Variants in CDH23 observed in about 807,000 individuals in gnomAD.
CDH23 encodes cadherin related 23, also known as cadherin-23.
Under a neutral mutation model 317.1 loss-of-function variants are expected in CDH23, and 189 were observed. The observed-to-expected ratio is 0.60, with a 90% confidence interval of 0.53 to 0.67. CDH23 has a LOEUF of 0.67. Ranked by LOEUF, CDH23 falls within the 30% of genes least tolerant of loss-of-function variation. CDH23 has a pLI of 0.00. For synonymous variants in CDH23, 1,839 were observed against 1,876.8 expected, an observed-to-expected ratio of 0.98 and a Z score of 0.52; for missense variants, 4,401 against 4,592.4, an observed-to-expected ratio of 0.96 and a Z score of 1.20.
intron 38 of CDH23, chr10:71,761,696 A>C: frequency 2.5e-6 from 4 of 1,614,006 alleles, no homozygotes; most frequent in Non-Finnish European, 3.4e-6. Context: ...GCTATCCAGC[A>C]GGGTCAGGTT....
At chr10:71,716,715 C>T (rs564145341) in intron 28 of CDH23, 1 of 192,758 alleles carries the variant, frequency 5.2e-6, no homozygotes. Flanking sequence ...TGGCCAGGAA[C>T]GAGTTATGGA....
chr10:71,622,677 A>G (rs1861524709), intron 11 of CDH23, among the ~76,000 whole-genome samples: 1 of 152,168 alleles, frequency 6.6e-6, no homozygotes, highest in African/African-American at 2.4e-5. Context: ...CGCTGTCAGG[A>G]GAAATACCAT....
intron 38 of CDH23, among the ~76,000 whole-genome samples, chr10:71,754,338 G>A (rs549421069): frequency 2.0e-4 from 30 of 152,302 alleles, no homozygotes; most frequent in Admixed American, 3.3e-4. Context: ...GGGGGCCCCC[G>A]GGAATGAGGG....
intron 41 of CDH23, among the ~76,000 whole-genome samples, 186 bp from the exon 42 acceptor site, chr10:71,784,101 C>G (rs1315446741): frequency 1.3e-5 from 2 of 152,184 alleles, no homozygotes; most frequent in East Asian, 3.9e-4. Context: ...CGCTACCACC[C>G]ACCTGCACAT....
At chr10:71,658,084 G>A (rs1036053058) in intron 14 of CDH23, among the ~76,000 whole-genome samples, 2 of 152,350 alleles carry the variant, frequency 1.3e-5, no homozygotes, top group East Asian at 1.9e-4. Context: ...CCTCAGAGGG[G>A]CTGGGGTGGG....
chr10:71,716,314 G>T, intron 28 of CDH23: 1 of 1,501,686 alleles, frequency 6.7e-7, no homozygotes, highest in Non-Finnish European at 8.9e-7. Flanking sequence ...GGGAGCTGGC[G>T]AGGCTGGGGC....
intron 3 of CDH23, among the ~76,000 whole-genome samples, chr10:71,457,212 C>A (rs888213562): frequency 1.3e-5 from 2 of 152,156 alleles, no homozygotes; most frequent in Admixed American, 6.5e-5. Flanking sequence ...GTGAGGCAAG[C>A]AATTTGTGTT....
At chr10:71,496,128 T>C (rs116337287) in intron 3 of CDH23, among the ~76,000 whole-genome samples, 2,594 of 152,316 alleles carry the variant, frequency 0.017, 59 homozygotes, top group African/African-American at 0.054. Context: ...TATATCAGAA[T>C]ACTGCTGTCT....
At position 71,577,668 on chromosome 10, in the gene CDH23, A is replaced by G. The variant is rs149306835; in HGVS notation, c.754-246A>G. Among the ~76,000 whole-genome samples the G allele has an allele frequency of 2.7e-3, 418 of 152,238 alleles. 3 individuals are homozygous for G. Among genetic ancestry groups the G allele is most frequent in the Admixed American group, 5.5e-3 (84 of 15,296 alleles). On this transcript the variant is annotated intron_variant, in intron 8 of 69. Transcript: ENST00000224721. The stretch of plus-strand genomic sequence containing the variant: ...GTGGTGGTCCATTTGAATAAGGGAT[A>G]TGGGAAGGGGAAAGGGGAATGATAA...
chr10:71,618,731 C>A (rs1367930735), intron 11 of CDH23, among the ~76,000 whole-genome samples: 1 of 152,132 alleles, frequency 6.6e-6, no homozygotes, highest in Non-Finnish European at 1.5e-5. Context: ...ACGTCTCTTG[C>A]CCCCCTCTGG....
intron 1 of CDH23, among the ~76,000 whole-genome samples, chr10:71,403,346 T>C (rs191636476): frequency 0.14 from 10,651 of 77,940 alleles, 2,033 homozygotes; most frequent in African/African-American, 0.44. Context: ...TTTCTTTCTT[T>C]CTTTCTTTCT....
intron 6 of CDH23, among the ~76,000 whole-genome samples, chr10:71,532,711 G>GTTTTTTTTTGTTTTTTTTTTTTT (rs1855452212): frequency 7.8e-6 from 1 of 128,100 alleles, no homozygotes; most frequent in Non-Finnish European, 1.8e-5. Flanking sequence ...TTTTGTTTTT[G>GTTTTTTTTTGTTTTTTTTTTTTT]TTTTTTTTTT....
At position 71,738,502 on chromosome 10, in the gene CDH23, A is replaced by G. The variant is rs936345238; in HGVS notation, c.4214A>G (p.Tyr1405Cys). ...TCTGACCACGTTCACCCTCAGGTCT[A>G]CATCACTGTGCTGGACGAGAATGAC... ...GPKVDSTVKVYITVLDENDNS... is the reference protein window; with the variant it reads ...GPKVDSTVKVCITVLDENDNS... The change falls in exon 35 of 70, where the codon TAC (tyrosine) becomes TGC (cysteine). Residue 1405 changes from tyrosine (Y) to cysteine (C), a missense_variant. Physicochemically the swap from Tyr to Cys is radical, Grantham distance 194 (BLOSUM62 -2). Coordinates refer to ENST00000224721, the MANE Select transcript of CDH23 (RefSeq NM_022124.6). 10 of 1,613,832 alleles carry G rather than the reference A, an allele frequency of 6.2e-6. No homozygotes were observed. The highest frequency in any genetic ancestry group is 6.8e-6 in the Non-Finnish European group (8 of 1,179,900).
At chr10:71,501,056 CG>C (rs1477026611) in intron 3 of CDH23, among the ~76,000 whole-genome samples, 8 of 151,854 alleles carry the variant, frequency 5.3e-5, no homozygotes, top group Middle Eastern at 3.4e-3. Context: ...TTAGTAGAGA[CG>C]GGGTTTAACC....
intron 14 of CDH23, chr10:71,647,695 G>A (rs2132601159): frequency 6.6e-6 from 1 of 152,356 alleles, no homozygotes; most frequent in South Asian, 2.1e-4. Flanking sequence ...AACCAATTGT[G>A]ATTCTGGTAT....
intron 1 of CDH23, among the ~76,000 whole-genome samples, chr10:71,410,382 G>T (rs1479679597): frequency 6.6e-6 from 1 of 152,152 alleles, no homozygotes; most frequent in Non-Finnish European, 1.5e-5. Context: ...TTCCAGGACT[G>T]GGAGGTCCCT....
At chr10:71,667,827 G>A (rs915726621) in intron 14 of CDH23, among the ~76,000 whole-genome samples, 16 of 152,224 alleles carry the variant, frequency 1.1e-4, no homozygotes, top group Middle Eastern at 3.4e-3. Flanking sequence ...AAGATGTTGC[G>A]CTGAGCACCA....
intron 37 of CDH23, 51 bp from the exon 38 acceptor site, chr10:71,741,641 CTG>C (rs1839735568): frequency 6.7e-7 from 1 of 1,502,356 alleles, no homozygotes. Flanking sequence ...AGGTGCCAGA[CTG>C]TGCCCCAATG....
chr10:71,769,110 G>A (rs1840627305), intron 38 of CDH23, among the ~76,000 whole-genome samples: 1 of 152,112 alleles, frequency 6.6e-6, no homozygotes. Context: ...TTTTACTTTT[G>A]GTTTTACATT....
Sources: gnomAD v4.1 joint callset for allele counts (sites outside exome capture counted in the v4.1 genomes callset) on GRCh38, gnomAD v4.1.1 for gene constraint, MANE v1.5 for transcripts, NCBI Gene and HGNC (gene_info 2026-07-23, HGNC 2026-07-21) for gene names.